PLCL2: variants seen among roughly 807,000 people sequenced by gnomAD.
PLCL2 encodes the protein phospholipase C like 2, also known as inactive phospholipase C-like protein 2.
PLCL2 carries 4 observed loss-of-function variants against 79.6 expected under a neutral mutation model. The observed-to-expected ratio is 0.05, with a 90% confidence interval of 0.02 to 0.11. The LOEUF is 0.11. Ranked by LOEUF, PLCL2 falls within the 10% of genes least tolerant of loss-of-function variation. The pLI is 1.00. For synonymous variants in PLCL2, 484 were observed against 457.7 expected (o/e 1.06, Z -0.73); for missense variants, 895 against 1,291.0 (o/e 0.69, Z 4.70).
At chr3:16,953,036 A>G (rs1321218732) in intron 1 of PLCL2, among the ~76,000 whole-genome samples, 1 of 152,174 alleles carries the variant, frequency 6.6e-6, no homozygotes, top group Non-Finnish European at 1.5e-5. Flanking sequence ...AATACTCAGT[A>G]TAAACCTACT....
At chr3:16,932,829 C>T (rs994249963) in intron 1 of PLCL2, among the ~76,000 whole-genome samples, 3 of 152,216 alleles carry the variant, frequency 2.0e-5, no homozygotes, top group Non-Finnish European at 4.4e-5. Flanking sequence ...AACAGCCTCA[C>T]TCTGTCTTGC....
At chr3:17,039,545 C>A (rs1460065527) in intron 3 of PLCL2, among the ~76,000 whole-genome samples, 1 of 152,162 alleles carries the variant, frequency 6.6e-6, no homozygotes, top group Non-Finnish European at 1.5e-5. Context: ...TAAATATGTA[C>A]CCCAAAATGA....
At chr3:16,921,588 G>C (rs1697125534) in intron 1 of PLCL2, among the ~76,000 whole-genome samples, 1 of 152,184 alleles carries the variant, frequency 6.6e-6, no homozygotes, top group African/African-American at 2.4e-5. Context: ...GTGAGGATGT[G>C]AATGAGAAAA....
intron 1 of PLCL2, among the ~76,000 whole-genome samples, chr3:16,889,150 C>T (rs1424257558): frequency 6.6e-6 from 1 of 152,146 alleles, no homozygotes; most frequent in African/African-American, 2.4e-5. Flanking sequence ...GCATGCAAAA[C>T]ACGTGAAAAG....
chr3:16,889,366 G>T (rs569520384), intron 1 of PLCL2, among the ~76,000 whole-genome samples: 3 of 152,318 alleles, frequency 2.0e-5, no homozygotes, highest in African/African-American at 4.8e-5. Flanking sequence ...TCAGACATTG[G>T]ATTTGATTGC....
At chr3:16,903,796 A>G (rs1348258038) in intron 1 of PLCL2, among the ~76,000 whole-genome samples, 2 of 152,202 alleles carry the variant, frequency 1.3e-5, no homozygotes, top group African/African-American at 4.8e-5. Flanking sequence ...GTAGAAGGAA[A>G]GGTTTGAAGC....
intron 3 of PLCL2, among the ~76,000 whole-genome samples, chr3:17,032,238 C>G (rs1004997951): frequency 6.6e-6 from 1 of 152,046 alleles, no homozygotes; most frequent in Admixed American, 6.6e-5. Context: ...TGCCTCTGGT[C>G]TATTTAAATG....
chr3:16,890,924 T>C (rs928223631), intron 1 of PLCL2, among the ~76,000 whole-genome samples: 4 of 152,236 alleles, frequency 2.6e-5, no homozygotes, highest in Non-Finnish European at 4.4e-5. Context: ...GCAACAATTA[T>C]GTGAATGGTC....
chr3:17,052,263 G>T (rs1048066690), intron 4 of PLCL2, among the ~76,000 whole-genome samples: 1 of 148,624 alleles, frequency 6.7e-6, no homozygotes, highest in Admixed American at 6.7e-5. Context: ...ATTGGGGGGG[G>T]GTGAAGGTCT....
At chr3:16,931,887 G>A (rs897307572) in intron 1 of PLCL2, among the ~76,000 whole-genome samples, 1 of 152,148 alleles carries the variant, frequency 6.6e-6, no homozygotes, top group Non-Finnish European at 1.5e-5. Context: ...ACAATCCCCA[G>A]TGTGATGATT....
At chr3:16,996,377 C>T (rs6442658) in intron 1 of PLCL2, among the ~76,000 whole-genome samples, 123,025 of 151,914 alleles carry the variant, frequency 0.81, 49,967 homozygotes, top group African/African-American at 0.84. Flanking sequence ...AGTAGACCAC[C>T]CTCTTCCCTT....
chr3:16,969,172 A>G (rs918212808), intron 1 of PLCL2, among the ~76,000 whole-genome samples: 9 of 152,050 alleles, frequency 5.9e-5, no homozygotes, highest in Admixed American at 3.9e-4. Context: ...TTTTGCATCT[A>G]TGTTCATCAA....
intron 3 of PLCL2, among the ~76,000 whole-genome samples, chr3:17,027,307 A>G (rs2064527537): frequency 6.6e-6 from 1 of 152,340 alleles, no homozygotes; most frequent in East Asian, 1.9e-4. Context: ...TATTGGAAAA[A>G]TAAAAAATAA....
At chr3:17,068,182 G>A (rs1031066548) in intron 5 of PLCL2, 117 bp downstream of exon 5, 1 of 622,954 alleles carries the variant, frequency 1.6e-6, no homozygotes, top group Non-Finnish European at 2.9e-6. Flanking sequence ...TTGTAGAATG[G>A]ATGCAGAAAT....
At chr3:16,935,213 A>G (rs1697511662) in intron 1 of PLCL2, among the ~76,000 whole-genome samples, 1 of 152,140 alleles carries the variant, frequency 6.6e-6, no homozygotes. Context: ...CACAAATTAC[A>G]TATTCATATC....
At chr3:17,060,038 G>T (rs115665717) in intron 4 of PLCL2, among the ~76,000 whole-genome samples, 20 of 152,264 alleles carry the variant, frequency 1.3e-4, no homozygotes, top group African/African-American at 4.3e-4. Flanking sequence ...CTGTGGTGAA[G>T]AAGACCTCTT....
intron 1 of PLCL2, among the ~76,000 whole-genome samples, chr3:16,928,846 A>G (rs1575533986): frequency 6.6e-6 from 1 of 152,180 alleles, no homozygotes; most frequent in Non-Finnish European, 1.5e-5. Flanking sequence ...ATCAAATGAC[A>G]TGAGGACTCA....
chr3:16,903,906 G>A (rs1195841759), intron 1 of PLCL2, among the ~76,000 whole-genome samples: 1 of 152,314 alleles, frequency 6.6e-6, no homozygotes, highest in Admixed American at 6.5e-5. Flanking sequence ...GCCTGCACCT[G>A]GGTGAGCCCA....
At chr3:17,067,084 C>G (rs2065017781) in intron 4 of PLCL2, among the ~76,000 whole-genome samples, 1 of 152,114 alleles carries the variant, frequency 6.6e-6, no homozygotes, top group Non-Finnish European at 1.5e-5. Flanking sequence ...AAAAGAAACA[C>G]ATGACCTAAT....
Sources: gnomAD v4.1 joint callset for allele counts (sites outside exome capture counted in the v4.1 genomes callset) on GRCh38, gnomAD v4.1.1 for gene constraint, MANE v1.5 for transcripts, NCBI Gene and HGNC (gene_info 2026-07-23, HGNC 2026-07-21) for gene names.